ZNF583: variants seen among roughly 807,000 people sequenced by gnomAD.
The protein encoded by ZNF583 is zinc finger protein 583, also known as zinc finger protein L3-5.
ZNF583 carries 30 observed loss-of-function variants against 55.3 expected under a neutral mutation model. That is an observed-to-expected ratio of 0.54 (90% confidence interval 0.41 to 0.74). The LOEUF (loss-of-function observed/expected upper bound fraction) is 0.74. ZNF583 is among the 30% of genes least tolerant of loss of function. The pLI, the probability that ZNF583 is intolerant of heterozygous loss-of-function variation, is 0.00. For synonymous variants in ZNF583, 208 were observed against 220.0 expected (o/e 0.95, Z 0.48); for missense variants, 504 against 664.7 (o/e 0.76, Z 2.66).
intron 4 of ZNF583, among the ~76,000 whole-genome samples, chr19:56,419,701 T>A (rs1210671233): frequency 2.0e-5 from 3 of 152,236 alleles, no homozygotes; most frequent in Admixed American, 2.0e-4. Context: ...CTTTAATGGA[T>A]ATAGGGTTAA....
rs201518989 is a variant in ZNF583 at position 56,414,012 on chromosome 19, A to G, written c.63A>G (p.Glu21=). 3 of 1,613,770 alleles carry G rather than the reference A, an allele frequency of 1.9e-6. No individual in the cohort carries two copies. Among genetic ancestry groups the G allele is most frequent in the Non-Finnish European group, 2.5e-6 (3 of 1,179,894 alleles). Residue 21 remains glutamate (E), a synonymous_variant, in exon 3 of 5, where the codon GAA becomes GAG. Coordinates refer to ENST00000333201, the MANE Select transcript of ZNF583 (RefSeq NM_152478.3). Reference sequence around the variant, plus strand: ...TAAATTTCTCTCAAGAGGAATGGGAATGGCTGAACCCTGCTCAGAGGAATT... The same window carrying G: ...TAAATTTCTCTCAAGAGGAATGGGAGTGGCTGAACCCTGCTCAGAGGAATT... ...VAVNFSQEEW[E]WLNPAQRNLY...
chr19:56,411,615 T>C (rs990597168), intron 2 of ZNF583, among the ~76,000 whole-genome samples: 1 of 152,202 alleles, frequency 6.6e-6, no homozygotes, highest in African/African-American at 2.4e-5. Context: ...TGTATTGAAG[T>C]ATTTGAGTTA....
intron 4 of ZNF583, among the ~76,000 whole-genome samples, chr19:56,415,014 TA>T (rs34510402): frequency 0.016 from 2,296 of 142,078 alleles, 71 homozygotes; most frequent in African/African-American, 0.055. Flanking sequence ...AGAGCCTGTC[TA>T]AAAAAAAAAA....
chr19:56,414,398 C>CCTTTTT lies in ZNF583; in HGVS notation c.191_192insTTTTTC (p.Pro64_Trp65insPheSer). 6.2e-7 allele frequency: 1 copy of CCTTTTT among 1,614,026 alleles called. No individual in the cohort carries two copies. Among genetic ancestry groups the CCTTTTT allele is most frequent in the Non-Finnish European group, 8.5e-7 (1 of 1,180,004 alleles). On this transcript the variant is annotated inframe_insertion, in exon 4 of 5. Coordinates refer to ENST00000333201, the MANE Select transcript of ZNF583 (RefSeq NM_152478.3). ...CTCATTATTGGAGCAAGGAAAAGAG[C>CCTTTTT]CCTGGATGGTGAAGAAGGAGGGAAC...
chr19:56,410,464 C>G (rs2042220587), intron 2 of ZNF583, among the ~76,000 whole-genome samples: 1 of 152,060 alleles, frequency 6.6e-6, no homozygotes, highest in South Asian at 2.1e-4. Flanking sequence ...CTTTGGGGGG[C>G]CGAGGTGGGT....
At chr19:56,421,251 G>A (rs925939957) in intron 4 of ZNF583, among the ~76,000 whole-genome samples, 18 of 148,420 alleles carry the variant, frequency 1.2e-4, no homozygotes, top group African/African-American at 4.0e-4. Context: ...TGCCTGTAAC[G>A]ATTATAATAT....
In ZNF583 at chr19:56,424,622, G is replaced by A; in HGVS notation, c.*254G>A. 2.6e-6 allele frequency: 1 copy of A among 385,268 alleles called. No individual in the cohort carries two copies. The allele number at this position is 385,268 out of a possible 1,614,324, so 23.9% of individuals were successfully genotyped here. A position where few individuals can be genotyped will look rare whatever the true frequency, so the allele number is the denominator to read the frequency against. On this transcript the variant is annotated 3_prime_UTR_variant, in exon 5 of 5. Transcript: ENST00000333201. ...GTTAAAGCACACATTCTTCAAAATA[G>A]CCTAAAAACCTAGCCTCTAACACCT...
rs2042478594 is a variant in ZNF583, at chr19:56,424,807, G to A, written c.*439G>A. On this transcript the variant is annotated 3_prime_UTR_variant, in exon 5 of 5. Coordinates refer to ENST00000333201, the MANE Select transcript of ZNF583 (RefSeq NM_152478.3). ...CCCTCTAATTTGGGGGCAGCAGTTT[G>A]TGCTTTGTAAGCTTCAGTCTTATTT... 1 of 159,160 alleles carries A rather than the reference G, an allele frequency of 6.3e-6. No individual in the cohort carries two copies. The highest frequency in any genetic ancestry group is 1.4e-5 in the Non-Finnish European group (1 of 71,988). The allele number at this position is 159,160 out of a possible 1,614,324, so 9.9% of individuals were successfully genotyped here. A position where few individuals can be genotyped will look rare whatever the true frequency, so the allele number is the denominator to read the frequency against.
intron 2 of ZNF583, among the ~76,000 whole-genome samples, chr19:56,410,697 A>G (rs1400116055): frequency 1.3e-5 from 2 of 151,946 alleles, no homozygotes; most frequent in Non-Finnish European, 2.9e-5. Context: ...GCAAGACTCC[A>G]TGTCAAAAAC....
At chr19:56,415,871 T>G (rs1037876623) in intron 4 of ZNF583, among the ~76,000 whole-genome samples, 2 of 152,016 alleles carry the variant, frequency 1.3e-5, no homozygotes, top group East Asian at 1.9e-4. Context: ...CAGCCTGTCT[T>G]TGGTTAAATT....
chr19:56,416,615 T>C (rs1325954890), intron 4 of ZNF583, among the ~76,000 whole-genome samples: 1 of 150,794 alleles, frequency 6.6e-6, no homozygotes, highest in Non-Finnish European at 1.5e-5. Context: ...TATCTTTGTC[T>C]ATCTCCTGTA....
intron 4 of ZNF583, among the ~76,000 whole-genome samples, chr19:56,420,599 C>T (rs185799836): frequency 8.3e-4 from 126 of 152,248 alleles, no homozygotes; most frequent in African/African-American, 2.8e-3. Context: ...ATATTAGGTG[C>T]ACAGACATTA....
At chr19:56,416,972 G>A (rs1418950082) in intron 4 of ZNF583, among the ~76,000 whole-genome samples, 1 of 152,034 alleles carries the variant, frequency 6.6e-6, no homozygotes, top group Non-Finnish European at 1.5e-5. Context: ...TGCATCTAAA[G>A]TAAATGGAAT....
chr19:56,407,837 T>C (rs2042178553), intron 2 of ZNF583, among the ~76,000 whole-genome samples: 1 of 152,178 alleles, frequency 6.6e-6, no homozygotes, highest in Non-Finnish European at 1.5e-5. Context: ...AAATAAAAGC[T>C]GTATATGTCT....
chr19:56,412,368 C>A (rs1430392231), intron 2 of ZNF583, among the ~76,000 whole-genome samples: 1 of 152,154 alleles, frequency 6.6e-6, no homozygotes, highest in African/African-American at 2.4e-5. Flanking sequence ...TTTTAGGGAG[C>A]AAACTAGGTC....
rs1264783765 is a variant in ZNF583, at chr19:56,425,845, A to C, written c.*1477A>C. ...TAAAATACATATGAATACCTTCAGC[A>C]GACCATGTGTTTTCCCTTTCTCCAA... On this transcript the variant is annotated 3_prime_UTR_variant, in exon 5 of 5. Coordinates refer to ENST00000333201, the MANE Select transcript of ZNF583 (RefSeq NM_152478.3). 6.6e-6 allele frequency: 1 copy of C among 152,214 alleles called. No homozygotes were observed. Among genetic ancestry groups the C allele is most frequent in the African/African-American group, 2.4e-5 (1 of 41,456 alleles). 9.4% of individuals were successfully genotyped at this position (152,214 alleles called of 1,614,324 possible).
chr19:56,422,898 G>C lies in ZNF583; in HGVS notation c.240G>C (p.Glu80Asp). ...TTTCTTGATATCTTTTAGATTGGGAGTATGTATTTAAAAACAGTGAATTTT... is the reference window on the plus strand; with the variant it reads ...TTTCTTGATATCTTTTAGATTGGGACTATGTATTTAAAAACAGTGAATTTT... ...EGTRGPCPDWEYVFKNSEFSS... is the reference protein window; with the variant it reads ...EGTRGPCPDWDYVFKNSEFSS... The change falls in exon 5 of 5, where the codon GAG (glutamate) becomes GAC (aspartate). Residue 80 changes from glutamate (E) to aspartate (D), a missense_variant. Physicochemically the swap from Glu to Asp is conservative, Grantham distance 45. Transcript: ENST00000333201. 1 of 1,595,944 alleles carries C rather than the reference G, an allele frequency of 6.3e-7. No homozygotes were observed. The highest frequency in any genetic ancestry group is 8.5e-7 in the Non-Finnish European group (1 of 1,172,526).
intron 4 of ZNF583, among the ~76,000 whole-genome samples, chr19:56,416,771 A>G (rs180980454): frequency 2.0e-3 from 310 of 151,954 alleles, no homozygotes; most frequent in African/African-American, 6.1e-3. Flanking sequence ...TTATTTACAT[A>G]CAGTAAACTG....
intron 4 of ZNF583, among the ~76,000 whole-genome samples, chr19:56,419,593 T>G (rs938455952): frequency 6.6e-6 from 1 of 152,238 alleles, no homozygotes; most frequent in African/African-American, 2.4e-5. Flanking sequence ...TTCTCTATTT[T>G]CTGACAGTTT....
Sources: allele counts gnomAD v4.1 joint callset (sites outside exome capture counted in the v4.1 genomes callset), GRCh38; gene constraint gnomAD v4.1.1; transcripts MANE v1.5; gene names NCBI Gene and HGNC (gene_info 2026-07-23, HGNC 2026-07-21).